PRKCB: variants seen among roughly 807,000 people sequenced by gnomAD.
PRKCB encodes protein kinase C beta type.
PRKCB carries 13 observed loss-of-function variants against 81.5 expected under a neutral mutation model. The observed-to-expected ratio is 0.16, with a 90% CI of 0.10 to 0.25. PRKCB has a LOEUF of 0.25. Ranked by LOEUF, PRKCB falls within the 10% of genes least tolerant of loss-of-function variation. The pLI is 1.00. For synonymous variants in PRKCB, 335 were observed against 321.4 expected, an observed-to-expected ratio of 1.04 and a Z score of -0.45; for missense variants, 509 against 875.7, an observed-to-expected ratio of 0.58 and a Z score of 5.29.
intron 2 of PRKCB, among the ~76,000 whole-genome samples, chr16:23,843,505 A>G (rs1962303800): frequency 6.6e-6 from 1 of 152,054 alleles, no homozygotes; most frequent in Non-Finnish European, 1.5e-5. Flanking sequence ...AGAATCTTTG[A>G]GTGGGTTAAC....
Position 23,907,343 on chromosome 16 carries a change from C to T in PRKCB, c.205+69937C>T, listed in dbSNP as rs1009518772. Among the ~76,000 whole-genome samples the T allele has an allele frequency of 3.3e-5, 5 of 152,234 alleles. 1 individual carries two copies. The highest frequency in any genetic ancestry group is 1.2e-4 in the African/African-American group (5 of 41,454). ...TTGCCCATGCAGTGCATGATGTGAT[C>T]ATAGCTCACTGCAGCCTCAAATTCC... On this transcript the variant is annotated intron_variant, in intron 2 of 16. Transcript: ENST00000643927.
chr16:24,065,665 G>T (rs1966024146), intron 5 of PRKCB, among the ~76,000 whole-genome samples: 1 of 151,990 alleles, frequency 6.6e-6, no homozygotes, highest in South Asian at 2.1e-4. Flanking sequence ...TCTCTCTAAA[G>T]AACGTCTTTT....
Position 24,075,326 on chromosome 16 carries a change from A to G in PRKCB, c.530-17465A>G, listed in dbSNP as rs138306514. Among the ~76,000 whole-genome samples the G allele has an allele frequency of 6.4e-3, 976 of 152,294 alleles. 15 individuals are homozygous for G. Among genetic ancestry groups the G allele is most frequent in the African/African-American group, 0.023 (939 of 41,560 alleles). ...ACTGCCCAATGCATGCAGCAAGTCA[A>G]TACACTAAGCCACTGAGTTGCAGCA... is the stretch of plus-strand genomic sequence containing the variant. On this transcript the variant is annotated intron_variant, in intron 5 of 16. Coordinates refer to ENST00000643927, the MANE Select transcript of PRKCB (RefSeq NM_002738.7).
chr16:23,895,908 T>A (rs1296003676), intron 2 of PRKCB, among the ~76,000 whole-genome samples: 2 of 152,262 alleles, frequency 1.3e-5, no homozygotes, highest in Non-Finnish European at 2.9e-5. Context: ...TTACATTTTA[T>A]TTGTCTGATA....
chr16:23,913,168 A>T (rs1963687828), intron 2 of PRKCB, among the ~76,000 whole-genome samples: 3 of 152,200 alleles, frequency 2.0e-5, no homozygotes, highest in African/African-American at 7.2e-5. Context: ...TCTTCCATCC[A>T]GTATGTAGAG....
At chr16:23,934,237 C>T (rs1180018340) in intron 2 of PRKCB, among the ~76,000 whole-genome samples, 1 of 151,814 alleles carries the variant, frequency 6.6e-6, no homozygotes, top group Non-Finnish European at 1.5e-5. Context: ...TCTGCCTGGC[C>T]TCTCTCTAGG....
At chr16:24,088,423 T>A (rs1014632) in intron 5 of PRKCB, among the ~76,000 whole-genome samples, 57,180 of 151,986 alleles carry the variant, frequency 0.38, 12,220 homozygotes, top group Non-Finnish European at 0.49. Flanking sequence ...AATGATTAGA[T>A]TCCCAAGAAA....
At chr16:24,022,368 A>G (rs1440086642) in intron 3 of PRKCB, among the ~76,000 whole-genome samples, 2 of 152,188 alleles carry the variant, frequency 1.3e-5, no homozygotes, top group African/African-American at 2.4e-5. Context: ...GTGGAAAACT[A>G]GAAAGTTTAT....
chr16:24,046,833 AGT>A (rs1409793549), intron 5 of PRKCB, among the ~76,000 whole-genome samples: 1 of 152,186 alleles, frequency 6.6e-6, no homozygotes, highest in African/African-American at 2.4e-5. Context: ...ATGCAAGGTC[AGT>A]GTGTTTAGGC....
intron 5 of PRKCB, among the ~76,000 whole-genome samples, chr16:24,092,160 G>T (rs1057431404): frequency 2.0e-5 from 3 of 152,158 alleles, no homozygotes; most frequent in African/African-American, 7.2e-5. Flanking sequence ...TACTCATTAA[G>T]CAGTCACTCC....
At chr16:24,187,838 C>G (rs1054862685) in intron 15 of PRKCB, among the ~76,000 whole-genome samples, 2 of 152,190 alleles carry the variant, frequency 1.3e-5, no homozygotes, top group East Asian at 3.8e-4. Flanking sequence ...GCCACTGCAC[C>G]CAGCCTAGGT....
chr16:23,910,211 G>C (rs1436253616), intron 2 of PRKCB, among the ~76,000 whole-genome samples: 1 of 152,156 alleles, frequency 6.6e-6, no homozygotes, highest in African/African-American at 2.4e-5. Flanking sequence ...ATAAGAGATA[G>C]ATGACGTCAC....
At chr16:23,970,066 C>T (rs1030370398) in intron 2 of PRKCB, among the ~76,000 whole-genome samples, 2 of 152,164 alleles carry the variant, frequency 1.3e-5, no homozygotes, top group Admixed American at 1.3e-4. Flanking sequence ...AACCTTTTGG[C>T]AGCATCTAAA....
chr16:23,932,925 G>A (rs1182590420), intron 2 of PRKCB, among the ~76,000 whole-genome samples: 1 of 152,164 alleles, frequency 6.6e-6, no homozygotes, highest in African/African-American at 2.4e-5. Flanking sequence ...ATGGGTTACT[G>A]GAATCTTTCT....
chr16:24,083,838 A>C (rs573149114), intron 5 of PRKCB, among the ~76,000 whole-genome samples: 17 of 152,332 alleles, frequency 1.1e-4, no homozygotes, highest in Admixed American at 1.0e-3. Context: ...ATTTTACTGC[A>C]TGTAATTAAA....
intron 2 of PRKCB, among the ~76,000 whole-genome samples, chr16:23,975,540 C>T (rs1445412308): frequency 6.6e-6 from 1 of 152,158 alleles, no homozygotes; most frequent in Non-Finnish European, 1.5e-5. Context: ...CCTGTCAAAC[C>T]TCATAGTTCC....
chr16:23,881,262 T>TA, intron 2 of PRKCB, among the ~76,000 whole-genome samples: 1 of 151,276 alleles, frequency 6.6e-6, no homozygotes, highest in South Asian at 2.1e-4. Flanking sequence ...AGTTTTTTTT[T>TA]TTTTTTTTGA....
chr16:24,129,932 T>G (rs918910992), intron 9 of PRKCB, among the ~76,000 whole-genome samples: 2 of 152,226 alleles, frequency 1.3e-5, no homozygotes, highest in Admixed American at 1.3e-4. Context: ...GATTGCATAA[T>G]GAACATCTAT....
intron 3 of PRKCB, among the ~76,000 whole-genome samples, chr16:24,029,109 C>G (rs549466260): frequency 6.6e-6 from 1 of 152,122 alleles, no homozygotes; most frequent in Non-Finnish European, 1.5e-5. Context: ...TTCATTTCAC[C>G]GAAAAGTAGG....
Sources: gnomAD v4.1 joint callset for allele counts (sites outside exome capture counted in the v4.1 genomes callset) on GRCh38, gnomAD v4.1.1 for gene constraint, MANE v1.5 for transcripts, NCBI Gene and HGNC (gene_info 2026-07-23, HGNC 2026-07-21) for gene names.